MYO7A: variants seen among roughly 807,000 people sequenced by gnomAD.
MYO7A encodes the protein myosin VIIA, also known as unconventional myosin-VIIa.
MYO7A carries 210 observed loss-of-function variants against 263.8 expected under a neutral mutation model. That is an observed-to-expected ratio of 0.80 (90% CI 0.71 to 0.89). The LOEUF is 0.89. MYO7A is among the 40% of genes least tolerant of loss of function. MYO7A has a pLI of 0.00. For synonymous variants in MYO7A, 1,239 were observed against 1,197.3 expected (o/e 1.03, Z -0.72); for missense variants, 2,820 against 2,968.3 (o/e 0.95, Z 1.16).
intron 2 of MYO7A, among the ~76,000 whole-genome samples, chr11:77,141,699 A>G (rs782622009): frequency 6.6e-6 from 1 of 151,902 alleles, no homozygotes; most frequent in Non-Finnish European, 1.5e-5. Flanking sequence ...GCTGTTTCCT[A>G]TGCTGGGATT....
intron 42 of MYO7A, 64 bp from the exon 43 acceptor site, chr11:77,208,366 G>A: frequency 7.8e-7 from 1 of 1,284,454 alleles, no homozygotes; most frequent in Admixed American, 1.9e-5. Flanking sequence ...ACAGGCCTTA[G>A]GTGGGAAGGT....
At chr11:77,197,645 A>G in intron 33 of MYO7A, 47 bp downstream of exon 33, 2 of 1,034,476 alleles carry the variant, frequency 1.9e-6, no homozygotes, top group South Asian at 2.8e-5. Flanking sequence ...CTGTAGCTCC[A>G]GCCCACAGCC....
rs1555051535 is a variant in MYO7A at position 77,142,771 on chromosome 11, G to A, written c.81G>A (p.Val27=). ...GQEFDVPIGA[V]VKLCDSGQVQ... Reference sequence around the variant, plus strand: ...AGTTCGACGTGCCCATCGGGGCGGTGGTGAAGCTCTGCGACTCTGGGCAGG... The same window carrying A: ...AGTTCGACGTGCCCATCGGGGCGGTAGTGAAGCTCTGCGACTCTGGGCAGG... Residue 27 remains valine, a synonymous_variant, in exon 3 of 49, where the codon GTG becomes GTA. Transcript: ENST00000409709. 6.2e-7 allele frequency: 1 copy of A among 1,612,028 alleles called. No homozygotes were observed. The highest frequency in any genetic ancestry group is 1.7e-5 in the Admixed American group (1 of 59,784).
intron 14 of MYO7A, 120 bp downstream of exon 14, chr11:77,163,108 A>G (rs1324351630): frequency 1.9e-6 from 2 of 1,051,924 alleles, no homozygotes; most frequent in Non-Finnish European, 2.7e-6. Context: ...TTATTCATAT[A>G]TATATATATA....
chr11:77,181,877 TG>T, intron 23 of MYO7A, 73 bp from the exon 24 acceptor site: 1 of 1,407,986 alleles, frequency 7.1e-7, no homozygotes, highest in Admixed American at 1.7e-5. Context: ...CTTGAACTTC[TG>T]GGCTCAGGCG....
rs1954225326 is a variant in MYO7A, at chr11:77,172,739, T to C, written c.1798-9T>C. 3.2e-6 allele frequency: 5 copies of C among 1,552,270 alleles called. No individual in the cohort carries two copies. Among genetic ancestry groups the C allele is most frequent in the Non-Finnish European group, 4.4e-6 (5 of 1,149,084 alleles). On this transcript the variant is annotated splice_polypyrimidine_tract_variant and intron_variant, in intron 15 of 48. Transcript: ENST00000409709. Reference sequence around the variant, plus strand: ...CAGCCCCTCCCATCGCTGCCGTCCGTCCCCCCAGGGCGCCGAGACCAGGAA... The same window carrying C: ...CAGCCCCTCCCATCGCTGCCGTCCGCCCCCCCAGGGCGCCGAGACCAGGAA...
At chr11:77,198,686 C>T (rs981562819) in intron 34 of MYO7A, 65 bp downstream of exon 34, 16 of 1,600,688 alleles carry the variant, frequency 1.0e-5, no homozygotes, top group Middle Eastern at 1.7e-4. Flanking sequence ...AGCTTCCCTG[C>T]GGGTCACAGG....
intron 9 of MYO7A, 44 bp from the exon 10 acceptor site, chr11:77,159,403 G>GTCCC: frequency 1.4e-6 from 1 of 711,720 alleles, no homozygotes; most frequent in East Asian, 2.7e-5. Context: ...TGCCCCTGTT[G>GTCCC]CCCACCCTCC....
In MYO7A at chr11:77,211,136, G is replaced by A. The variant is rs1409768106; in HGVS notation, c.6052-16G>A. The A allele has an allele frequency of 1.9e-6, 3 of 1,554,198 alleles. No individual in the cohort carries two copies. Among genetic ancestry groups the A allele is most frequent in the Non-Finnish European group, 2.6e-6 (3 of 1,146,576 alleles). ...CCAGGTCCCTGCACGCCTGTGACCTGCTCTGTCTCTGACAGGAGTTGCCCA... is the reference window on the plus strand; with the variant it reads ...CCAGGTCCCTGCACGCCTGTGACCTACTCTGTCTCTGACAGGAGTTGCCCA... On this transcript the variant is annotated splice_polypyrimidine_tract_variant and intron_variant, in intron 44 of 48. Transcript: ENST00000409709.
At chr11:77,164,210 G>A (rs1324648651) in intron 14 of MYO7A, among the ~76,000 whole-genome samples, 1 of 152,090 alleles carries the variant, frequency 6.6e-6, no homozygotes, top group Non-Finnish European at 1.5e-5. Context: ...AATTCTTAAG[G>A]GTTTGTCAAA....
intron 17 of MYO7A, among the ~76,000 whole-genome samples, chr11:77,175,151 G>A (rs572437107): frequency 7.2e-5 from 11 of 152,304 alleles, no homozygotes; most frequent in South Asian, 4.1e-4. Context: ...GCTGCCACGC[G>A]GGCCCTGGAT....
intron 2 of MYO7A, among the ~76,000 whole-genome samples, chr11:77,136,834 A>G (rs1240182883): frequency 6.6e-6 from 1 of 152,196 alleles, no homozygotes; most frequent in Non-Finnish European, 1.5e-5. Flanking sequence ...TCCAGGGTCC[A>G]AACTCTTAGT....
intron 2 of MYO7A, chr11:77,139,261 G>C (rs1270605066): frequency 6.6e-6 from 1 of 152,200 alleles, no homozygotes; most frequent in Admixed American, 6.5e-5. Context: ...TGGCTTTCCT[G>C]GGGGGAGGCC....
intron 4 of MYO7A, among the ~76,000 whole-genome samples, chr11:77,153,860 C>T (rs147105326): frequency 8.7e-4 from 133 of 152,346 alleles, no homozygotes; most frequent in African/African-American, 3.1e-3. Context: ...CCCCAGCCTC[C>T]CCGTGTGTCT....
Position 77,182,419 on chromosome 11 carries a change from C to T in MYO7A, c.3109-5C>T. The T allele has an allele frequency of 6.2e-7, 1 of 1,610,902 alleles. No homozygotes were observed. The highest frequency in any genetic ancestry group is 8.5e-7 in the Non-Finnish European group (1 of 1,178,640). On this transcript the variant is annotated splice_region_variant and splice_polypyrimidine_tract_variant and intron_variant, in intron 24 of 48. Transcript: ENST00000409709. Reference sequence around the variant, plus strand: ...CTGGCCTCTGACATGCGCGCTCTGCCCCAGGCAGCCCTGGCGGTCTGGATC... The same window carrying T: ...CTGGCCTCTGACATGCGCGCTCTGCTCCAGGCAGCCCTGGCGGTCTGGATC...
At chr11:77,157,769 G>A (rs1952633647) in intron 8 of MYO7A, among the ~76,000 whole-genome samples, 1 of 152,134 alleles carries the variant, frequency 6.6e-6, no homozygotes, top group African/African-American at 2.4e-5. Flanking sequence ...GGTGTCCCTG[G>A]ACACTTTCTG....
rs894646650 is a variant in MYO7A, at chr11:77,163,062, G to T, written c.1690+74G>T. ...TTCCCCTGCTCCAGCCCAGGAATAA[G>T]ATATCCGGAATTTTAAAGATTTTTA... On this transcript the variant is annotated intron_variant, in intron 14 of 48. Coordinates refer to ENST00000409709, the MANE Select transcript of MYO7A (RefSeq NM_000260.4). 33 of 1,524,194 alleles carry T rather than the reference G, an allele frequency of 2.2e-5. No homozygotes were observed. In the Admixed American group the frequency reaches 2.9e-4, roughly 13 times the overall value. The allele number at this position is 1,524,194 out of a possible 1,614,324, so 94.4% of individuals were successfully genotyped here.
chr11:77,161,186 C>A, intron 12 of MYO7A, 71 bp downstream of exon 12: 1 of 1,581,170 alleles, frequency 6.3e-7, no homozygotes, highest in Non-Finnish European at 8.6e-7. Context: ...ACGTCTCTCC[C>A]TTGCGAAGCA....
chr11:77,214,018 C>G (rs1958018712), intron 48 of MYO7A, 39 bp downstream of exon 48: 1 of 1,612,432 alleles, frequency 6.2e-7, no homozygotes, highest in Non-Finnish European at 8.5e-7. Flanking sequence ...GGCTCCCTGC[C>G]TTGCCTGCAG....
Sources: gnomAD v4.1 joint callset for allele counts (sites outside exome capture counted in the v4.1 genomes callset) on GRCh38, gnomAD v4.1.1 for gene constraint, MANE v1.5 for transcripts, NCBI Gene and HGNC (gene_info 2026-07-23, HGNC 2026-07-21) for gene names.